The following DSC2 variants were observed in gnomAD, a reference collection of about 807,000 sequenced individuals.
DSC2 encodes desmocollin-2.
In DSC2, 51 loss-of-function variants were observed where a neutral mutation model predicts 87.6. The observed-to-expected ratio is 0.58, with a 90% CI of 0.46 to 0.74. The LOEUF is 0.74. Among genes scored for constraint, DSC2 ranks in the 30% least tolerant of loss-of-function variants. DSC2 has a pLI of 0.00. For synonymous variants in DSC2, 383 were observed against 393.2 expected (o/e 0.97, Z 0.31); for missense variants, 1,066 against 1,089.5 (o/e 0.98, Z 0.30).
intron 7 of DSC2, among the ~76,000 whole-genome samples, chr18:31,084,589 T>A (rs996847231): frequency 1.3e-5 from 2 of 151,838 alleles, no homozygotes; most frequent in African/African-American, 4.8e-5. Context: ...AACTGATTAT[T>A]TCAGAAGAAT....
intron 11 of DSC2, among the ~76,000 whole-genome samples, chr18:31,076,819 T>C (rs1251472006): frequency 6.6e-6 from 1 of 152,174 alleles, no homozygotes; most frequent in Admixed American, 6.6e-5. Flanking sequence ...GAACTCAATT[T>C]AGGGTACTAT....
At chr18:31,101,257 GGTCAAGATC>G (rs1237147984) in intron 1 of DSC2, 1 of 985,090 alleles carries the variant, frequency 1.0e-6, no homozygotes, top group Non-Finnish European at 1.2e-6. Context: ...AGGAGCAAAG[GGTCAAGATC>G]CCCTCCCCCA....
intron 2 of DSC2, among the ~76,000 whole-genome samples, chr18:31,093,261 T>C (rs1987659383): frequency 6.6e-6 from 1 of 152,224 alleles, no homozygotes; most frequent in Non-Finnish European, 1.5e-5. Flanking sequence ...AAACTCAGCA[T>C]GCATTAGCTA....
chr18:31,075,355 T>G (rs1369498813), intron 11 of DSC2, among the ~76,000 whole-genome samples: 2 of 152,112 alleles, frequency 1.3e-5, no homozygotes, highest in African/African-American at 2.4e-5. Flanking sequence ...ACTAGGGAGC[T>G]TAGAGTTTGT....
chr18:31,085,456 TTTA>T (rs1987365844), intron 7 of DSC2, among the ~76,000 whole-genome samples: 1 of 151,126 alleles, frequency 6.6e-6, no homozygotes, highest in Non-Finnish European at 1.5e-5. Flanking sequence ...ATGTAATTAA[TTTA>T]TTATTTTTAA....
chr18:31,091,245 T>C, intron 3 of DSC2, 98 bp from the exon 4 acceptor site: 1 of 1,487,262 alleles, frequency 6.7e-7, no homozygotes, highest in Non-Finnish European at 9.2e-7. Context: ...GAGGATTAGC[T>C]GGGTAGGGGT....
chr18:31,089,633 T>C lies in DSC2; in HGVS notation c.475-39A>G, dbSNP rs559414689. The stretch of plus-strand genomic sequence containing the variant: ...ATTATATACATGAGACAAATCTTTA[T>C]TTCAGCAGAGCTTTCATCTATATAT... On this transcript the variant is annotated intron_variant, in intron 4 of 15. Coordinates refer to ENST00000280904, the MANE Select transcript of DSC2 (RefSeq NM_024422.6). 2.3e-5 allele frequency: 36 copies of C among 1,586,836 alleles called. No individual in the cohort carries two copies. In the East Asian group the frequency reaches 7.6e-4, roughly 34 times the overall value.
At chr18:31,087,052 C>G (rs1987423654) in intron 6 of DSC2, among the ~76,000 whole-genome samples, 1 of 152,148 alleles carries the variant, frequency 6.6e-6, no homozygotes. Flanking sequence ...TAACTTTTCT[C>G]TGTTTGTAAG....
At chr18:31,071,960 G>A in intron 12 of DSC2, 119 bp from the exon 13 acceptor site, 1 of 899,008 alleles carries the variant, frequency 1.1e-6, no homozygotes, top group Non-Finnish European at 1.8e-6. Flanking sequence ...TGATGGGATG[G>A]CATAGCTGCT....
intron 7 of DSC2, among the ~76,000 whole-genome samples, chr18:31,085,681 G>A (rs1461805755): frequency 6.6e-6 from 1 of 151,794 alleles, no homozygotes; most frequent in Non-Finnish European, 1.5e-5. Flanking sequence ...TAATCCATGA[G>A]GGATAGAGGA....
rs1427006789 is a variant in DSC2 at position 31,067,814 on chromosome 18, T to TA, written c.*200dup. ...CTCCTTGGATAGAAGATAAGTAATT[T>TA]AAAAATATGTAAAAATTGAAAAATT... On this transcript the variant is annotated 3_prime_UTR_variant, in exon 16 of 16. Transcript: ENST00000280904. 8 of 570,570 alleles carry TA rather than the reference T, an allele frequency of 1.4e-5. No individual in the cohort carries two copies. The Admixed American group carries it at 2.5e-4, about 18-fold the overall frequency. The allele number at this position is 570,570 out of a possible 1,614,324, so 35.3% of individuals were successfully genotyped here. A position where few individuals can be genotyped will look rare whatever the true frequency, so the allele number is the denominator to read the frequency against.
Position 31,067,983 on chromosome 18 carries a change from C to G in DSC2, c.*32G>C, listed in dbSNP as rs1986681842. On this transcript the variant is annotated 3_prime_UTR_variant, in exon 16 of 16. Transcript: ENST00000280904. ...GTAATTTTTTTTAAAAGTCATAAAG[C>G]CACTGGCTTTCAGAGACTTATTAGA... The G allele has an allele frequency of 2.5e-6, 4 of 1,606,660 alleles. No homozygotes were observed. The highest frequency in any genetic ancestry group is 1.7e-4 in the Middle Eastern group (1 of 6,034).
intron 7 of DSC2, among the ~76,000 whole-genome samples, chr18:31,085,985 G>C (rs1987382068): frequency 6.6e-6 from 1 of 152,014 alleles, no homozygotes; most frequent in African/African-American, 2.4e-5. Flanking sequence ...GGGGCCAAGA[G>C]ACATCAAATA....
chr18:31,097,284 T>C (rs2144859401), intron 1 of DSC2, among the ~76,000 whole-genome samples: 1 of 143,362 alleles, frequency 7.0e-6, no homozygotes, highest in East Asian at 2.0e-4. Flanking sequence ...CGAGACTCAG[T>C]CTCAAAAAAA....
intron 1 of DSC2, among the ~76,000 whole-genome samples, chr18:31,097,259 G>C (rs961318716): frequency 6.6e-5 from 10 of 150,442 alleles, no homozygotes; most frequent in African/African-American, 2.2e-4. Flanking sequence ...CTGCACTCCA[G>C]CCTGGGCGAC....
intron 7 of DSC2, among the ~76,000 whole-genome samples, chr18:31,085,754 TC>T (rs1212372573): frequency 2.0e-5 from 3 of 151,892 alleles, no homozygotes; most frequent in African/African-American, 4.8e-5. Flanking sequence ...CTGATAAACA[TC>T]TATTACTATA....
In DSC2 at chr18:31,064,858, G is replaced by C. The variant is rs1986576061; in HGVS notation, c.*3157C>G. On this transcript the variant is annotated 3_prime_UTR_variant, in exon 16 of 16. Coordinates refer to ENST00000280904, the MANE Select transcript of DSC2 (RefSeq NM_024422.6). ...AATCTGGAGTCCAGGAATGGAGATG[G>C]AGACAAAAGGGAAGCCCGTAGTCAA... 1 of 152,182 alleles carries C rather than the reference G, an allele frequency of 6.6e-6. No individual in the cohort carries two copies. The highest frequency in any genetic ancestry group is 2.4e-5 in the African/African-American group (1 of 41,432). 9.4% of individuals were successfully genotyped at this position (152,182 alleles called of 1,614,324 possible). A position where few individuals can be genotyped will look rare whatever the true frequency, so the allele number is the denominator to read the frequency against.
Position 31,063,460 on chromosome 18 carries a change from A to G in DSC2, c.*4555T>C, listed in dbSNP as rs1986540338. Reference sequence around the variant, plus strand: ...ACAAACCTGTAGATGAAAACTTTACAGCCATGTGCTCTAGACACACAAATG... The same window carrying G: ...ACAAACCTGTAGATGAAAACTTTACGGCCATGTGCTCTAGACACACAAATG... On this transcript the variant is annotated 3_prime_UTR_variant, in exon 16 of 16. Coordinates refer to ENST00000280904, the MANE Select transcript of DSC2 (RefSeq NM_024422.6). 1 of 152,164 alleles carries G rather than the reference A, an allele frequency of 6.6e-6. No homozygotes were observed. Among genetic ancestry groups the G allele is most frequent in the Admixed American group, 6.6e-5 (1 of 15,252 alleles). The allele number at this position is 152,164 out of a possible 1,614,324, so 9.4% of individuals were successfully genotyped here. A position where few individuals can be genotyped will look rare whatever the true frequency, so the allele number is the denominator to read the frequency against.
rs867933343 is a variant in DSC2, at chr18:31,068,934, T to TA, written c.2467dup (p.Tyr823LeufsTer14). ...CTGAGTAAAACTGTGCCACTCCGAG[T>TA]AAGTGTATCTGCAGTTGTCCACCTC... On this transcript the variant is annotated frameshift_variant, in exon 15 of 16. Coordinates refer to ENST00000280904, the MANE Select transcript of DSC2 (RefSeq NM_024422.6). LOFTEE classifies it high-confidence loss of function. 6.2e-7 allele frequency: 1 copy of TA among 1,613,574 alleles called. No homozygotes were observed. The highest frequency in any genetic ancestry group is 1.3e-5 in the African/African-American group (1 of 74,782).
Sources: gnomAD v4.1 joint callset for allele counts (sites outside exome capture counted in the v4.1 genomes callset) on GRCh38, gnomAD v4.1.1 for gene constraint, MANE v1.5 for transcripts, NCBI Gene and HGNC (gene_info 2026-07-23, HGNC 2026-07-21) for gene names.